GARRE1: variants seen among roughly 807,000 people sequenced by gnomAD.
GARRE1 encodes granule associated Rac and RHOG effector 1.
A neutral mutation model predicts 103.2 loss-of-function variants in GARRE1; 49 were observed. The observed-to-expected ratio is 0.47, with a 90% CI of 0.38 to 0.60. GARRE1 has a LOEUF of 0.60. GARRE1 is among the 20% of genes least tolerant of loss of function. The pLI is 0.00. For synonymous variants in GARRE1, 505 were observed against 532.8 expected, an observed-to-expected ratio of 0.95 and a Z score of 0.72; for missense variants, 1,199 against 1,370.5, an observed-to-expected ratio of 0.87 and a Z score of 1.98.
intron 13 of GARRE1, among the ~76,000 whole-genome samples, 176 bp downstream of exon 13, chr19:34,351,768 T>C (rs2074238642): frequency 6.6e-6 from 1 of 152,242 alleles, no homozygotes; most frequent in Non-Finnish European, 1.5e-5. Flanking sequence ...TCCAGTGTGA[T>C]AGCCATTCAC....
At chr19:34,346,919 AGTTTT>A (rs568008967) in intron 10 of GARRE1, among the ~76,000 whole-genome samples, 45 of 151,518 alleles carry the variant, frequency 3.0e-4, no homozygotes, top group Admixed American at 1.2e-3. Context: ...AGCCCAGCCC[AGTTTT>A]GTTTTGTTTT....
intron 1 of GARRE1, among the ~76,000 whole-genome samples, chr19:34,298,938 C>G (rs2073962391): frequency 6.6e-6 from 1 of 152,142 alleles, no homozygotes; most frequent in South Asian, 2.1e-4. Context: ...AGAAGCCACC[C>G]AAGGTGTGAA....
chr19:34,337,033 T>C (rs2074164005), intron 8 of GARRE1, among the ~76,000 whole-genome samples: 1 of 151,536 alleles, frequency 6.6e-6, no homozygotes, highest in Non-Finnish European at 1.5e-5. Context: ...TTGGTAATTT[T>C]GCAAAATTTT....
At chr19:34,307,681 A>AC (rs1192248998) in intron 2 of GARRE1, among the ~76,000 whole-genome samples, 1 of 49,208 alleles carries the variant, frequency 2.0e-5, no homozygotes. Flanking sequence ...TTATATATAC[A>AC]TATATACTTA....
rs757458282 is a variant in GARRE1 at position 34,300,629 on chromosome 19, C to T, written c.156C>T (p.Ala52=). The T allele has an allele frequency of 3.0e-5, 48 of 1,613,634 alleles. No homozygotes were observed. The highest frequency in any genetic ancestry group is 1.6e-4 in the Middle Eastern group (1 of 6,084). Residue 52 remains alanine (A), a synonymous_variant, in exon 2 of 14, where the codon GCC becomes GCT. Coordinates refer to ENST00000299505, the MANE Select transcript of GARRE1 (RefSeq NM_014686.5). Reference sequence around the variant, plus strand: ...CCCTGGCATCCACGGCCACCACTGCCCCCCTGGGCAGTCTGACCGCTGCAG... The same window carrying T: ...CCCTGGCATCCACGGCCACCACTGCTCCCCTGGGCAGTCTGACCGCTGCAG... ...SAPLASTATT[A]PLGSLTAAGS... is the part of the protein sequence containing the mutation.
chr19:34,312,718 C>T (rs747389263), intron 2 of GARRE1, among the ~76,000 whole-genome samples: 10 of 151,952 alleles, frequency 6.6e-5, no homozygotes, highest in African/African-American at 2.2e-4. Context: ...CCTGAGGTCA[C>T]GAGTTTGAGA....
At chr19:34,278,616 C>T (rs1211598424) in intron 1 of GARRE1, among the ~76,000 whole-genome samples, 1 of 152,038 alleles carries the variant, frequency 6.6e-6, no homozygotes, top group East Asian at 1.9e-4. Context: ...TAGTGTCTGG[C>T]ATCTTAGCAG....
intron 10 of GARRE1, among the ~76,000 whole-genome samples, chr19:34,343,424 G>T (rs1340538414): frequency 6.6e-6 from 1 of 151,378 alleles, no homozygotes; most frequent in Non-Finnish European, 1.5e-5. Flanking sequence ...CTGACAGAGA[G>T]AAACCCTGTC....
chr19:34,282,226 A>T (rs1265459363), intron 1 of GARRE1, among the ~76,000 whole-genome samples: 1 of 144,958 alleles, frequency 6.9e-6, no homozygotes, highest in African/African-American at 2.5e-5. Flanking sequence ...ATCTCGGCTC[A>T]CTGCAACCTC....
intron 9 of GARRE1, among the ~76,000 whole-genome samples, chr19:34,340,438 T>TTTTTCTTTTCTTTTC (rs60039902): frequency 0.15 from 21,941 of 145,220 alleles, 1,972 homozygotes; most frequent in Middle Eastern, 0.21. Context: ...CCCCTCTCCC[T>TTTTTCTTTTCTTTTC]TTTTCTTTTC....
At chr19:34,280,722 T>G (rs932938044) in intron 1 of GARRE1, among the ~76,000 whole-genome samples, 4 of 152,174 alleles carry the variant, frequency 2.6e-5, no homozygotes, top group African/African-American at 9.7e-5. Context: ...TAATGGCACT[T>G]ATTTTTCGGG....
intron 2 of GARRE1, among the ~76,000 whole-genome samples, chr19:34,302,708 T>G (rs1320059526): frequency 6.6e-6 from 1 of 151,878 alleles, no homozygotes; most frequent in African/African-American, 2.4e-5. Flanking sequence ...TTGAGTCTTC[T>G]TCAGTACATT....
chr19:34,342,485 T>C (rs371940781), intron 10 of GARRE1, 30 bp downstream of exon 10: 2 of 1,574,028 alleles, frequency 1.3e-6, no homozygotes, highest in South Asian at 1.2e-5. Flanking sequence ...CCTCGCCCAG[T>C]GTCAACAGCA....
chr19:34,296,102 T>C (rs757909082), intron 1 of GARRE1, among the ~76,000 whole-genome samples: 32 of 152,102 alleles, frequency 2.1e-4, no homozygotes, highest in Non-Finnish European at 3.5e-4. Context: ...AATATTACTT[T>C]TACAACATTT....
intron 2 of GARRE1, among the ~76,000 whole-genome samples, chr19:34,302,010 A>C (rs1471196250): frequency 3.8e-5 from 1 of 26,370 alleles, no homozygotes; most frequent in African/African-American, 8.1e-5. Context: ...TTTTTTTTTT[A>C]AGTCAGTTTC....
intron 1 of GARRE1, among the ~76,000 whole-genome samples, chr19:34,291,718 A>T (rs892547427): frequency 6.6e-6 from 1 of 152,206 alleles, no homozygotes; most frequent in African/African-American, 2.4e-5. Flanking sequence ...TCTATACACT[A>T]TTGCACTGGG....
chr19:34,338,316 A>C (rs535123013), intron 8 of GARRE1, among the ~76,000 whole-genome samples: 1 of 152,106 alleles, frequency 6.6e-6, no homozygotes, highest in Non-Finnish European at 1.5e-5. Flanking sequence ...CAGGAGGATC[A>C]CCTGAGCTCA....
At chr19:34,279,538 G>A (rs973430857) in intron 1 of GARRE1, among the ~76,000 whole-genome samples, 1 of 151,788 alleles carries the variant, frequency 6.6e-6, no homozygotes, top group African/African-American at 2.4e-5. Context: ...TCTGTGTTTT[G>A]TTTATTTTAA....
intron 10 of GARRE1, among the ~76,000 whole-genome samples, chr19:34,347,355 G>T (rs1190058750): frequency 6.6e-6 from 1 of 152,150 alleles, no homozygotes; most frequent in East Asian, 1.9e-4. Context: ...CTCCCAAAGT[G>T]CTGGGATTAC....
Sources: allele counts gnomAD v4.1 joint callset (sites outside exome capture counted in the v4.1 genomes callset), GRCh38; gene constraint gnomAD v4.1.1; transcripts MANE v1.5; gene names NCBI Gene and HGNC (gene_info 2026-07-23, HGNC 2026-07-21).